The following ZNF738 variants were observed in gnomAD, a reference collection of about 807,000 sequenced individuals.
The protein encoded by ZNF738 is protein ZNF738.
ZNF738 carries 10 observed loss-of-function variants against 9.2 expected under a neutral mutation model. That is an observed-to-expected ratio of 1.09 (90% CI 0.67 to 1.85). The LOEUF is 1.85. ZNF738 is among the 40% of genes most tolerant of loss of function. The pLI, the probability that ZNF738 is intolerant of heterozygous loss-of-function variation, is 0.00. For missense variants in ZNF738, 346 were observed against 283.6 expected, an observed-to-expected ratio of 1.22 and a Z score of -1.58; for synonymous variants, 113 against 94.5, an observed-to-expected ratio of 1.20 and a Z score of -1.14.
chr19:21,377,058 A>G (rs1247523647), intron 4 of ZNF738, among the ~76,000 whole-genome samples: 1 of 151,986 alleles, frequency 6.6e-6, no homozygotes, highest in Non-Finnish European at 1.5e-5. Context: ...CTGTAATCCC[A>G]ACACTTTGGG....
chr19:21,387,121 AATC>A lies in ZNF738; in HGVS notation c.*3450_*3452del, dbSNP rs1974076979. ...CTCAAGCTTTTCTAACCATAAAAAG[AATC>A]ATATTGGTGAGAAATCCTAGAAATG... On this transcript the variant is annotated 3_prime_UTR_variant, in exon 5 of 5. Coordinates refer to ENST00000683779, the MANE Select transcript of ZNF738 (RefSeq NM_001355237.2). 1 of 154,074 alleles carries A rather than the reference AATC, an allele frequency of 6.5e-6. No individual in the cohort carries two copies. The highest frequency in any genetic ancestry group is 1.5e-5 in the Non-Finnish European group (1 of 68,106). The allele number at this position is 154,074 out of a possible 1,614,324, so 9.5% of individuals were successfully genotyped here. A position where few individuals can be genotyped will look rare whatever the true frequency, so the allele number is the denominator to read the frequency against.
At chr19:21,368,541 A>G (rs1260798972) in intron 2 of ZNF738, among the ~76,000 whole-genome samples, 3 of 151,812 alleles carry the variant, frequency 2.0e-5, no homozygotes, top group Admixed American at 6.6e-5. Context: ...GCTCACTGCA[A>G]CCTCAGCCTC....
rs956968892 is a variant in ZNF738 at position 21,384,001 on chromosome 19, G to A, written c.*327G>A. 15 of 1,491,356 alleles carry A rather than the reference G, an allele frequency of 1.0e-5. No homozygotes were observed. In the African/African-American group the frequency reaches 1.8e-4, roughly 18 times the overall value. The allele number at this position is 1,491,356 out of a possible 1,614,324, so 92.4% of individuals were successfully genotyped here. On this transcript the variant is annotated 3_prime_UTR_variant, in exon 5 of 5. Coordinates refer to ENST00000683779, the MANE Select transcript of ZNF738 (RefSeq NM_001355237.2). Reference sequence around the variant, plus strand: ...CATACTGGAGAGAAACCCTACAAATGTGAAGAATGTGGCAAAGCTTTCTAC... The same window carrying A: ...CATACTGGAGAGAAACCCTACAAATATGAAGAATGTGGCAAAGCTTTCTAC...
At chr19:21,366,358 C>T (rs35464445) in intron 2 of ZNF738, among the ~76,000 whole-genome samples, 2,587 of 152,216 alleles carry the variant, frequency 0.017, 81 homozygotes, top group African/African-American at 0.056. Flanking sequence ...CTTTAACCCA[C>T]GCTGTCTTAG....
chr19:21,381,202 C>G (rs1973999247), intron 4 of ZNF738: 20 of 1,452,910 alleles, frequency 1.4e-5, no homozygotes, highest in Non-Finnish European at 1.9e-5. Flanking sequence ...AACCTACAGC[C>G]AGAAGAGTCC....
At position 21,361,846 on chromosome 19, in the gene ZNF738, T is replaced by C; in HGVS notation, c.84T>C (p.Ser28=). ...CTGAGAGGAATCTTCTGGAGTACTC[T>C]TATTTTGAAAAGGTAACCCCTTGAT... ...PGAERNLLEY[S]YFEKGPLTFR... The change falls in exon 2 of 5, where the codon TCT becomes TCC. Residue 28 remains serine (S), a synonymous_variant. Transcript: ENST00000683779. 2.6e-6 allele frequency: 2 copies of C among 780,128 alleles called. No homozygotes were observed. 48.3% of individuals were successfully genotyped at this position (780,128 alleles called of 1,614,324 possible). A position where few individuals can be genotyped will look rare whatever the true frequency, so the allele number is the denominator to read the frequency against.
chr19:21,371,250 C>A (rs1973852927), intron 2 of ZNF738, among the ~76,000 whole-genome samples: 1 of 152,214 alleles, frequency 6.6e-6, no homozygotes, highest in African/African-American at 2.4e-5. Flanking sequence ...TTAGAATCAG[C>A]CTGAGTTTCT....
In ZNF738 at chr19:21,383,397, G is replaced by T; in HGVS notation, c.851G>T (p.Gly284Val). Reference sequence around the variant, plus strand: ...ACTAGACATAAGGTAATTCATGCTGGAGAGAAACACTACAAATGTGAAAAA... The same window carrying T: ...ACTAGACATAAGGTAATTCATGCTGTAGAGAAACACTACAAATGTGAAAAA... ...TLTRHKVIHA[G>V]EKHYKCEKCG... The change falls in exon 5 of 5, where the codon GGA (glycine) becomes GTA (valine). Residue 284 changes from glycine to valine, a missense_variant. Physicochemically the swap from Gly to Val is moderately radical, Grantham distance 109. Transcript: ENST00000683779. 1 of 597,546 alleles carries T rather than the reference G, an allele frequency of 1.7e-6. No individual in the cohort carries two copies. The allele number at this position is 597,546 out of a possible 1,614,324, so 37.0% of individuals were successfully genotyped here. A position where few individuals can be genotyped will look rare whatever the true frequency, so the allele number is the denominator to read the frequency against.
intron 4 of ZNF738, chr19:21,378,904 A>C (rs1280711986): frequency 6.5e-6 from 1 of 152,868 alleles, no homozygotes; most frequent in Non-Finnish European, 1.5e-5. Flanking sequence ...CAGCCAACAC[A>C]TCACTTTTAT....
intron 2 of ZNF738, chr19:21,372,964 AGTATT>A (rs1335661113): frequency 6.6e-6 from 1 of 152,208 alleles, no homozygotes; most frequent in African/African-American, 2.4e-5. Flanking sequence ...GGGTATCAGA[AGTATT>A]GTATTGTGAC....
chr19:21,370,976 A>T (rs754976348), intron 2 of ZNF738, among the ~76,000 whole-genome samples: 11 of 152,180 alleles, frequency 7.2e-5, no homozygotes, highest in Non-Finnish European at 1.5e-4. Flanking sequence ...TGGCTCTTTA[A>T]GCTTTTCAAT....
intron 2 of ZNF738, among the ~76,000 whole-genome samples, chr19:21,365,467 ACAGAGGAATGAAAATTCAT>A (rs1973763776): frequency 6.6e-6 from 1 of 152,164 alleles, no homozygotes; most frequent in Non-Finnish European, 1.5e-5. Flanking sequence ...CATAAGGGTT[ACAGAGGAATGAAAATTCAT>A]CTTCTGTAAC....
At chr19:21,364,404 C>T (rs948855122) in intron 2 of ZNF738, among the ~76,000 whole-genome samples, 3 of 151,814 alleles carry the variant, frequency 2.0e-5, no homozygotes, top group African/African-American at 7.3e-5. Context: ...TCAGCATGTT[C>T]TTAGGAGGGA....
chr19:21,370,112 T>C (rs762770023), intron 2 of ZNF738, among the ~76,000 whole-genome samples: 39 of 152,188 alleles, frequency 2.6e-4, no homozygotes, highest in Middle Eastern at 3.2e-3. Context: ...ATGCCCATAA[T>C]GGTTGAAAGC....
rs1974038181 is a variant in ZNF738 at position 21,384,049 on chromosome 19, A to G, written c.*375A>G. 1.9e-6 allele frequency: 3 copies of G among 1,561,086 alleles called. No homozygotes were observed. The highest frequency in any genetic ancestry group is 2.2e-5 in the South Asian group (2 of 90,096). The stretch of plus-strand genomic sequence containing the variant: ...TACCGATTCATTTACCTTACTACAC[A>G]TAAGAGAATTCACACTGGAGAGAAA... On this transcript the variant is annotated 3_prime_UTR_variant, in exon 5 of 5. Transcript: ENST00000683779.
chr19:21,382,249 T>G (rs927599398), intron 4 of ZNF738, among the ~76,000 whole-genome samples: 4 of 90,852 alleles, frequency 4.4e-5, no homozygotes, highest in African/African-American at 1.5e-4. Flanking sequence ...CTTCTTTTTG[T>G]TTTTTTTTTT....
Position 21,359,925 on chromosome 19 carries a change from G to A in ZNF738, c.3+782G>A, listed in dbSNP as rs188139597. Among the ~76,000 whole-genome samples, 77 of 152,262 alleles carry A rather than the reference G, an allele frequency of 5.1e-4. 2 individuals are homozygous for A. The highest frequency in any genetic ancestry group is 5.0e-3 in the Admixed American group (77 of 15,290). ...ATAATTTAATCAAAAAGTGGTTCTA[G>A]AATTGTAGAGCACCAAGCTGTGGTT... On this transcript the variant is annotated intron_variant, in intron 1 of 4. Coordinates refer to ENST00000683779, the MANE Select transcript of ZNF738 (RefSeq NM_001355237.2).
intron 3 of ZNF738, among the ~76,000 whole-genome samples, 191 bp downstream of exon 3, chr19:21,375,555 G>A (rs553531160): frequency 3.9e-4 from 59 of 152,190 alleles, no homozygotes; most frequent in African/African-American, 1.4e-3. Context: ...TGAACTTTTT[G>A]CATTCCTGAG....
chr19:21,375,296 T>C lies in ZNF738; in HGVS notation c.155T>C (p.Leu52Pro), dbSNP rs1187133207. 2.6e-6 allele frequency: 3 copies of C among 1,136,262 alleles called. No homozygotes were observed. The South Asian group carries it at 3.7e-5, about 14-fold the overall frequency. 70.4% of individuals were successfully genotyped at this position (1,136,262 alleles called of 1,614,324 possible). A position where few individuals can be genotyped will look rare whatever the true frequency, so the allele number is the denominator to read the frequency against. ...IEFSQEEWQC[L>P]DTAQQDLYRK... ...TTCTCTCAGGAGGAGTGGCAATGCC[T>C]GGACACTGCTCAGCAAGATTTGTAT... Residue 52 changes from leucine to proline, a missense_variant, in exon 3 of 5, where the codon CTG becomes CCG. Transcript: ENST00000683779.
Sources: gnomAD v4.1 joint callset for allele counts (sites outside exome capture counted in the v4.1 genomes callset) on GRCh38, gnomAD v4.1.1 for gene constraint, MANE v1.5 for transcripts, NCBI Gene and HGNC (gene_info 2026-07-23, HGNC 2026-07-21) for gene names.